TNFRSF21: variants seen among roughly 807,000 people sequenced by gnomAD.
TNFRSF21 encodes the protein tumor necrosis factor receptor superfamily member 21.
TNFRSF21 carries 19 observed loss-of-function variants against 45.6 expected under a neutral mutation model. The ratio of observed to expected loss-of-function variants is 0.42; its 90% CI spans 0.29 to 0.61. The LOEUF (loss-of-function observed/expected upper bound fraction) is 0.61. Ranked by LOEUF, TNFRSF21 falls within the 20% of genes least tolerant of loss-of-function variation. TNFRSF21 has a pLI of 0.23. For missense variants in TNFRSF21, 737 were observed against 851.5 expected (o/e 0.87, Z 1.67); for synonymous variants, 314 against 335.5 (o/e 0.94, Z 0.70).
At chr6:47,238,068 A>G (rs1764685277) in intron 4 of TNFRSF21, among the ~76,000 whole-genome samples, 2 of 152,218 alleles carry the variant, frequency 1.3e-5, no homozygotes, top group African/African-American at 4.8e-5. Flanking sequence ...AGAAAGAAAA[A>G]AAGATATATT....
At chr6:47,297,165 G>T (rs1328672242) in intron 1 of TNFRSF21, among the ~76,000 whole-genome samples, 2 of 152,182 alleles carry the variant, frequency 1.3e-5, no homozygotes, top group Non-Finnish European at 2.9e-5. Flanking sequence ...TGGTGTCAAA[G>T]GTGTTGTGTT....
chr6:47,238,037 G>A (rs1244631532), intron 4 of TNFRSF21, among the ~76,000 whole-genome samples: 2 of 151,960 alleles, frequency 1.3e-5, no homozygotes, highest in Admixed American at 6.6e-5. Context: ...ACGACGGAGT[G>A]AGACTCTGTC....
intron 1 of TNFRSF21, among the ~76,000 whole-genome samples, chr6:47,307,344 C>T (rs1762954623): frequency 6.6e-6 from 1 of 152,150 alleles, no homozygotes; most frequent in Non-Finnish European, 1.5e-5. Context: ...AAATCCAGTG[C>T]ACAATTTTTA....
At chr6:47,254,654 A>G (rs1764953896) in intron 3 of TNFRSF21, among the ~76,000 whole-genome samples, 1 of 152,250 alleles carries the variant, frequency 6.6e-6, no homozygotes, top group African/African-American at 2.4e-5. Context: ...CAGCTGTTCC[A>G]GGCCAATAGA....
chr6:47,239,733 C>T (rs996210479), intron 4 of TNFRSF21, among the ~76,000 whole-genome samples: 1 of 152,180 alleles, frequency 6.6e-6, no homozygotes, highest in Admixed American at 6.5e-5. Context: ...CCACTTCCCT[C>T]ATCAGACCTG....
Position 47,285,863 on chromosome 6 carries a change from A to G in TNFRSF21, c.748+81T>C, listed in dbSNP as rs1424001120. The G allele has an allele frequency of 1.5e-5, 22 of 1,457,480 alleles. No individual in the cohort carries two copies. The East Asian group carries it at 5.1e-4, about 34-fold the overall frequency. 90.3% of individuals were successfully genotyped at this position (1,457,480 alleles called of 1,614,324 possible). A position where few individuals can be genotyped will look rare whatever the true frequency, so the allele number is the denominator to read the frequency against. On this transcript the variant is annotated intron_variant, in intron 2 of 5. Transcript: ENST00000296861. ...TTGGAATACACGAAATGGAGAAAAC[A>G]TCTTTGGTATAAGCCCACTCTTGGT...
chr6:47,248,159 A>T (rs1200289763), intron 4 of TNFRSF21, among the ~76,000 whole-genome samples: 1 of 152,158 alleles, frequency 6.6e-6, no homozygotes, highest in East Asian at 1.9e-4. Flanking sequence ...CCTTTCTCTC[A>T]TGAAGCAATG....
At chr6:47,304,615 A>G (rs1762913322) in intron 1 of TNFRSF21, among the ~76,000 whole-genome samples, 1 of 151,622 alleles carries the variant, frequency 6.6e-6, no homozygotes, top group Admixed American at 6.5e-5. Context: ...TGTGCTTACT[A>G]TATCCTGCTT....
intron 1 of TNFRSF21, among the ~76,000 whole-genome samples, chr6:47,290,447 C>T (rs1034107809): frequency 6.6e-6 from 1 of 152,110 alleles, no homozygotes; most frequent in Non-Finnish European, 1.5e-5. Context: ...TCTATACTTC[C>T]CCCGAAATAT....
rs547356952 is a variant in TNFRSF21 at position 47,299,785 on chromosome 6, T to C, written c.96+9631A>G. 2.1e-3 allele frequency among the ~76,000 whole-genome samples: 316 copies of C among 152,312 alleles called. 1 individual carries two copies. The highest frequency in any genetic ancestry group is 4.3e-3 in the African/African-American group (178 of 41,574). On this transcript the variant is annotated intron_variant, in intron 1 of 5. Coordinates refer to ENST00000296861, the MANE Select transcript of TNFRSF21 (RefSeq NM_014452.5). The stretch of plus-strand genomic sequence containing the variant: ...AATAAATTAAAATTATAAACTCCAA[T>C]ATTGGCAGGCTTGTGGGCTAGAAAG...
intron 3 of TNFRSF21, among the ~76,000 whole-genome samples, chr6:47,264,866 T>C (rs919164097): frequency 7.9e-5 from 12 of 152,168 alleles, no homozygotes; most frequent in Non-Finnish European, 2.9e-5. Flanking sequence ...TGTCAGCCCA[T>C]AGCTGGAACA....
At chr6:47,259,605 C>T (rs961320913) in intron 3 of TNFRSF21, among the ~76,000 whole-genome samples, 8 of 152,150 alleles carry the variant, frequency 5.3e-5, no homozygotes, top group African/African-American at 1.9e-4. Flanking sequence ...GAACTCCTGG[C>T]CTCAAGTGAT....
intron 3 of TNFRSF21, among the ~76,000 whole-genome samples, chr6:47,282,564 T>C (rs1157460250): frequency 6.6e-6 from 1 of 152,164 alleles, no homozygotes; most frequent in Non-Finnish European, 1.5e-5. Flanking sequence ...GTTATAGAAG[T>C]GGCATGTACT....
chr6:47,309,029 C>T (rs1461692826), intron 1 of TNFRSF21, among the ~76,000 whole-genome samples: 2 of 152,158 alleles, frequency 1.3e-5, no homozygotes, highest in Non-Finnish European at 2.9e-5. Flanking sequence ...CGGCGAGGCC[C>T]CACACCACGC....
At position 47,309,531 on chromosome 6, in the gene TNFRSF21, A is replaced by C. The variant is rs1459568412; in HGVS notation, c.-20T>G. 2 of 1,416,024 alleles carry C rather than the reference A, an allele frequency of 1.4e-6. No homozygotes were observed. Among genetic ancestry groups the C allele is most frequent in the East Asian group, 5.9e-5 (2 of 33,776 alleles). The allele number at this position is 1,416,024 out of a possible 1,614,324, so 87.7% of individuals were successfully genotyped here. ...CCCCATGGCTGAACCGGGGACTCGC[A>C]GGGGCGCCCGGGGCGCGCGGGGCAG... On this transcript the variant is annotated 5_prime_UTR_variant, in exon 1 of 6. Transcript: ENST00000296861.
At chr6:47,242,651 C>T (rs188192030) in intron 4 of TNFRSF21, among the ~76,000 whole-genome samples, 6 of 152,212 alleles carry the variant, frequency 3.9e-5, no homozygotes, top group African/African-American at 1.2e-4. Flanking sequence ...GCCCCGCTAC[C>T]GGCACGGGTG....
At chr6:47,284,453 G>C (rs138204090) in intron 2 of TNFRSF21, 21 bp from the exon 3 acceptor site, 421 of 1,505,496 alleles carry the variant, frequency 2.8e-4, no homozygotes, top group Admixed American at 4.9e-4. Flanking sequence ...GAGTAAGGAG[G>C]GGGGAAGAGC....
Position 47,261,451 on chromosome 6 carries a change from G to A in TNFRSF21, c.1244-7930C>T, listed in dbSNP as rs116180500. Among the ~76,000 whole-genome samples the A allele has an allele frequency of 6.5e-3, 992 of 152,224 alleles. 13 individuals carry two copies. Among genetic ancestry groups the A allele is most frequent in the African/African-American group, 0.022 (914 of 41,538 alleles). On this transcript the variant is annotated intron_variant, in intron 3 of 5. Transcript: ENST00000296861. Reference sequence around the variant, plus strand: ...TCTTGACTGACCCTCCTCACCATTCGTCATCTCATTAGCTTCTGTAACCTA... The same window carrying A: ...TCTTGACTGACCCTCCTCACCATTCATCATCTCATTAGCTTCTGTAACCTA...
At chr6:47,251,126 A>G (rs2113849058) in intron 4 of TNFRSF21, among the ~76,000 whole-genome samples, 1 of 152,358 alleles carries the variant, frequency 6.6e-6, no homozygotes, top group Non-Finnish European at 1.5e-5. Flanking sequence ...AGCATATCAG[A>G]TAAAGGATAC....
Sources: allele counts gnomAD v4.1 joint callset (sites outside exome capture counted in the v4.1 genomes callset), GRCh38; gene constraint gnomAD v4.1.1; transcripts MANE v1.5; gene names NCBI Gene and HGNC (gene_info 2026-07-23, HGNC 2026-07-21).